The following RNGTT variants were observed in gnomAD, a reference collection of about 807,000 sequenced individuals.
The protein encoded by RNGTT is mRNA-capping enzyme.
RNGTT carries 33 observed loss-of-function variants against 79.3 expected under a neutral mutation model. That is an observed-to-expected ratio of 0.42 (90% CI 0.32 to 0.56). The LOEUF is 0.56. Ranked by LOEUF, RNGTT falls within the 20% of genes least tolerant of loss-of-function variation. The pLI is 0.17. For missense variants in RNGTT, 497 were observed against 739.1 expected, an observed-to-expected ratio of 0.67 and a Z score of 3.80; for synonymous variants, 222 against 235.9, an observed-to-expected ratio of 0.94 and a Z score of 0.54.
At chr6:88,644,272 G>A (rs1363838521) in intron 14 of RNGTT, among the ~76,000 whole-genome samples, 4 of 151,968 alleles carry the variant, frequency 2.6e-5, no homozygotes, top group South Asian at 2.1e-4. Flanking sequence ...TAAATTCCTC[G>A]ACACATACAC....
chr6:88,915,112 G>C (rs1336240750), intron 4 of RNGTT, among the ~76,000 whole-genome samples: 1 of 151,998 alleles, frequency 6.6e-6, no homozygotes, highest in Non-Finnish European at 1.5e-5. Flanking sequence ...AAAAGTCAAA[G>C]AATAACAGAT....
intron 11 of RNGTT, among the ~76,000 whole-genome samples, chr6:88,833,091 G>T (rs1308575400): frequency 5.3e-5 from 8 of 152,088 alleles, no homozygotes; most frequent in Non-Finnish European, 4.4e-5. Context: ...AACCAAAGGA[G>T]TATAAATCAT....
At chr6:88,791,688 C>T (rs971856111) in intron 12 of RNGTT, among the ~76,000 whole-genome samples, 1 of 151,946 alleles carries the variant, frequency 6.6e-6, no homozygotes, top group African/African-American at 2.4e-5. Flanking sequence ...CACAGGCGCC[C>T]ACCACCACAC....
At chr6:88,949,159 G>GAAAAAAAAAAAAAAAAAAAAAAAAA in intron 1 of RNGTT, among the ~76,000 whole-genome samples, 4 of 50,514 alleles carry the variant, frequency 7.9e-5, no homozygotes, top group Non-Finnish European at 1.6e-4. Flanking sequence ...AAAATAAAAT[G>GAAAAAAAAAAAAAAAAAAAAAAAAA]AAAAAAAAAA....
chr6:88,614,344 C>T lies in RNGTT; in HGVS notation c.1558G>A (p.Glu520Lys). ...CTCATGAAGACCCAGCTGTTGTTCT[C>T]AAATTTGCATTCTATAATTTTGTTG... ...YDNKIIECKF[E>K]NNSWVFMRQR... The change falls in exon 15 of 16, where the codon GAG (glutamate) becomes AAG (lysine). Residue 520 changes from glutamate (E) to lysine (K), a missense_variant. Coordinates refer to ENST00000369485, the MANE Select transcript of RNGTT (RefSeq NM_003800.5). 6.2e-7 allele frequency: 1 copy of T among 1,613,746 alleles called. No individual in the cohort carries two copies. The highest frequency in any genetic ancestry group is 8.5e-7 in the Non-Finnish European group (1 of 1,179,674).
intron 2 of RNGTT, 56 bp from the exon 3 acceptor site, chr6:88,929,323 A>G: frequency 1.8e-6 from 2 of 1,109,090 alleles, no homozygotes; most frequent in Non-Finnish European, 2.7e-6. Flanking sequence ...TTTGTTCCCA[A>G]ATAAGTAGAC....
At position 88,726,389 on chromosome 6, in the gene RNGTT, C is replaced by CAAAA. The variant is rs61210098; in HGVS notation, c.1439+43381_1439+43384dup. On this transcript the variant is annotated intron_variant, in intron 13 of 15. Coordinates refer to ENST00000369485, the MANE Select transcript of RNGTT (RefSeq NM_003800.5). ...CATCAGGTCAGAACTATCCTAAGTC[C>CAAAA]AAAAAAAAAAAAAAAAAAGCAAAAA... 2.6e-3 allele frequency among the ~76,000 whole-genome samples: 257 copies of CAAAA among 99,520 alleles called. 1 individual carries two copies. Among genetic ancestry groups the CAAAA allele is most frequent in the African/African-American group, 9.2e-3 (201 of 21,920 alleles). 65.3% of individuals were successfully genotyped at this position (99,520 alleles called of 152,430 possible).
chr6:88,891,034 T>C (rs1470515942), intron 7 of RNGTT, among the ~76,000 whole-genome samples: 1 of 152,034 alleles, frequency 6.6e-6, no homozygotes, highest in Non-Finnish European at 1.5e-5. Flanking sequence ...TACCCAGAAG[T>C]GACAAAACAG....
At chr6:88,633,134 T>A (rs1384532083) in intron 14 of RNGTT, among the ~76,000 whole-genome samples, 2 of 152,186 alleles carry the variant, frequency 1.3e-5, no homozygotes, top group African/African-American at 4.8e-5. Flanking sequence ...TATTGCAGGG[T>A]ATAATCCCTT....
At chr6:88,926,639 T>C (rs1393648609) in intron 4 of RNGTT, among the ~76,000 whole-genome samples, 1 of 152,208 alleles carries the variant, frequency 6.6e-6, no homozygotes. Context: ...AAGAGAGAGG[T>C]AGTTTCAAGT....
chr6:88,841,088 A>T (rs1272630152), intron 11 of RNGTT, among the ~76,000 whole-genome samples: 1 of 152,180 alleles, frequency 6.6e-6, no homozygotes, highest in Non-Finnish European at 1.5e-5. Context: ...ATAGACTTCC[A>T]CCGTGGACAG....
At position 88,937,262 on chromosome 6, in the gene RNGTT, C is replaced by T. The variant is rs115986658; in HGVS notation, c.174+3809G>A. Among the ~76,000 whole-genome samples, 847 of 152,136 alleles carry T rather than the reference C, an allele frequency of 5.6e-3. 7 individuals are homozygous for T. Among genetic ancestry groups the T allele is most frequent in the African/African-American group, 0.019 (806 of 41,500 alleles). ...TCAGGAGGCTGAAGTAGAAGAATCA[C>T]TTGAACCTGGGAGTGGAGGTCACAG... On this transcript the variant is annotated intron_variant, in intron 2 of 15. Transcript: ENST00000369485.
At chr6:88,616,787 T>G (rs1772241582) in intron 14 of RNGTT, among the ~76,000 whole-genome samples, 1 of 152,256 alleles carries the variant, frequency 6.6e-6, no homozygotes, top group Admixed American at 6.5e-5. Context: ...TTCTGGACAT[T>G]AACTTCTTAT....
rs79644667 is a variant in RNGTT, at chr6:88,804,126, T to A, written c.1270-2494A>T. Among the ~76,000 whole-genome samples the A allele has an allele frequency of 2.2e-3, 338 of 152,276 alleles. 1 individual carries two copies. Among genetic ancestry groups the A allele is most frequent in the African/African-American group, 7.7e-3 (320 of 41,546 alleles). On this transcript the variant is annotated intron_variant, in intron 11 of 15. Transcript: ENST00000369485. Reference sequence around the variant, plus strand: ...TCCTCATGAGATGTGTATTCTCAAGTTTTGAATTATTACTCAATTTGCCAG... The same window carrying A: ...TCCTCATGAGATGTGTATTCTCAAGATTTGAATTATTACTCAATTTGCCAG...
At chr6:88,868,291 G>T (rs1335890230) in intron 8 of RNGTT, among the ~76,000 whole-genome samples, 1 of 152,202 alleles carries the variant, frequency 6.6e-6, no homozygotes, top group Non-Finnish European at 1.5e-5. Flanking sequence ...AATTCAAGGA[G>T]TGGGAGTTGA....
intron 14 of RNGTT, among the ~76,000 whole-genome samples, chr6:88,634,803 ATATT>A (rs1204841792): frequency 6.6e-6 from 1 of 152,162 alleles, no homozygotes; most frequent in East Asian, 1.9e-4. Context: ...GTACTAGTAA[ATATT>A]TAATATGTGA....
At chr6:88,695,622 A>G (rs1192200195) in intron 13 of RNGTT, among the ~76,000 whole-genome samples, 1 of 152,186 alleles carries the variant, frequency 6.6e-6, no homozygotes, top group African/African-American at 2.4e-5. Context: ...TAGAATTATG[A>G]TATGATCCAG....
intron 14 of RNGTT, among the ~76,000 whole-genome samples, chr6:88,666,538 T>C (rs762934997): frequency 2.6e-5 from 4 of 152,312 alleles, no homozygotes; most frequent in Admixed American, 1.3e-4. Flanking sequence ...GCCTGCTCTG[T>C]GAAAATCCCC....
intron 1 of RNGTT, among the ~76,000 whole-genome samples, chr6:88,961,722 T>G (rs1785632230): frequency 6.6e-6 from 1 of 152,236 alleles, no homozygotes; most frequent in South Asian, 2.1e-4. Context: ...TGTTACCACT[T>G]TGGAAAAGAG....
Sources: allele counts gnomAD v4.1 joint callset (sites outside exome capture counted in the v4.1 genomes callset), GRCh38; gene constraint gnomAD v4.1.1; transcripts MANE v1.5; gene names NCBI Gene and HGNC (gene_info 2026-07-23, HGNC 2026-07-21).